The following COL9A3 variants were observed in gnomAD, a reference collection of about 807,000 sequenced individuals.
The protein encoded by COL9A3 is collagen alpha-3(IX) chain.
In COL9A3, 82 loss-of-function variants were observed where a neutral mutation model predicts 110.2. The observed-to-expected ratio is 0.74, with a 90% CI of 0.62 to 0.89. The LOEUF is 0.89. COL9A3 is among the 40% of genes least tolerant of loss of function. The pLI, the probability that COL9A3 is intolerant of heterozygous loss-of-function variation, is 0.00. For synonymous variants in COL9A3, 494 were observed against 403.8 expected (o/e 1.22, Z -2.68); for missense variants, 1,066 against 981.3 (o/e 1.09, Z -1.15).
Position 62,829,795 on chromosome 20 carries a change from T to G in COL9A3, c.1137T>G (p.Gly379=), listed in dbSNP as rs896992548. 1 of 1,583,264 alleles carries G rather than the reference T, an allele frequency of 6.3e-7. No individual in the cohort carries two copies. Among genetic ancestry groups the G allele is most frequent in the African/African-American group, 1.3e-5 (1 of 74,450 alleles). ...ATGCTGGCATGCCTGGGGAGCGCGGTGAGGCTGGCCACCGGGGCTCAGCGG... is the reference window on the plus strand; with the variant it reads ...ATGCTGGCATGCCTGGGGAGCGCGGGGAGGCTGGCCACCGGGGCTCAGCGG... ...PGDAGMPGER[G]EAGHRGSAGA... Residue 379 remains glycine, a synonymous_variant, in exon 22 of 32, where the codon GGT becomes GGG. Transcript: ENST00000649368.
intron 31 of COL9A3, 73 bp from the exon 32 acceptor site, chr20:62,840,469 C>T (rs1173376695): frequency 3.6e-6 from 5 of 1,382,648 alleles, no homozygotes; most frequent in Non-Finnish European, 5.1e-6. Flanking sequence ...AGGGCTTGCC[C>T]ACAGCTGGAT....
chr20:62,830,700 C>G lies in COL9A3; in HGVS notation c.1287+112C>G, dbSNP rs954702470. On this transcript the variant is annotated intron_variant, in intron 24 of 31. Transcript: ENST00000649368. Reference sequence around the variant, plus strand: ...CCCACCACAGTCCCCCAACCCCTACCACAGTCCCCCAACCCCCACCACAGT... The same window carrying G: ...CCCACCACAGTCCCCCAACCCCTACGACAGTCCCCCAACCCCCACCACAGT... The G allele has an allele frequency of 2.8e-4, 102 of 364,324 alleles. 4 individuals carry two copies. The highest frequency in any genetic ancestry group is 1.5e-3 in the Admixed American group (37 of 25,210). The allele number at this position is 364,324 out of a possible 1,614,324, so 22.6% of individuals were successfully genotyped here. A position where few individuals can be genotyped will look rare whatever the true frequency, so the allele number is the denominator to read the frequency against.
At chr20:62,821,557 T>C (rs1430604116) in intron 7 of COL9A3, 27 bp downstream of exon 7, 9 of 1,612,668 alleles carry the variant, frequency 5.6e-6, no homozygotes, top group Non-Finnish European at 7.6e-6. Flanking sequence ...CTTGGGGCCC[T>C]GAGCAAGCAC....
In COL9A3 at chr20:62,829,629, G is replaced by A. The variant is rs1361061840; in HGVS notation, c.1055G>A (p.Gly352Asp). ...CTCACAGCTCTCCTTCCTCTACAGG[G>A]CAGAGCTGGGGAGCTGGGTGAGGCC... ...AGSKGEKGERGRAGELGEAGP... is the reference protein window; with the variant it reads ...AGSKGEKGERDRAGELGEAGP... The change falls in exon 21 of 32, where the codon GGC (glycine) becomes GAC (aspartate). Residue 352 changes from glycine to aspartate, a missense_variant and splice_region_variant. Coordinates refer to ENST00000649368, the MANE Select transcript of COL9A3 (RefSeq NM_001853.4). 2.5e-6 allele frequency: 4 copies of A among 1,609,752 alleles called. No homozygotes were observed. Among genetic ancestry groups the A allele is most frequent in the Admixed American group, 1.7e-5 (1 of 59,430 alleles).
intron 29 of COL9A3, chr20:62,836,792 C>A (rs1187186110): frequency 1.1e-5 from 7 of 621,682 alleles, no homozygotes; most frequent in African/African-American, 1.1e-4. Flanking sequence ...CTGCTGAATG[C>A]AATGGGTACA....
intron 6 of COL9A3, 74 bp downstream of exon 6, chr20:62,821,290 C>G: frequency 2.7e-6 from 4 of 1,503,242 alleles, no homozygotes; most frequent in Non-Finnish European, 3.7e-6. Context: ...AATGGGGTGG[C>G]CTCCAGGAAT....
chr20:62,835,927 A>G lies in COL9A3; in HGVS notation c.1375A>G (p.Ser459Gly). ...ACAACTTTTCTCTTCACAGGGTCCC[A>G]GCGGCCTGGTCGGACCCAAAGGAGA... is the stretch of plus-strand genomic sequence containing the variant. Reference protein sequence around the residue: ...LPGDKGELGPSGLVGPKGESG... With the variant: ...LPGDKGELGPGGLVGPKGESG... The change falls in exon 27 of 32, where the codon AGC (serine) becomes GGC (glycine). Residue 459 changes from serine to glycine, a missense_variant. Ser to Gly is a moderately conservative substitution (Grantham distance 56). Transcript: ENST00000649368. 3 of 1,614,236 alleles carry G rather than the reference A, an allele frequency of 1.9e-6. No homozygotes were observed. Among genetic ancestry groups the G allele is most frequent in the Non-Finnish European group, 2.5e-6 (3 of 1,180,040 alleles).
chr20:62,821,397 C>G (rs2063511883), intron 6 of COL9A3, 110 bp from the exon 7 acceptor site: 5 of 1,474,538 alleles, frequency 3.4e-6, no homozygotes, highest in Admixed American at 1.7e-5. Context: ...ACCAGACACC[C>G]ATCCCTGGAA....
In COL9A3 at chr20:62,840,579, G is replaced by A. The variant is rs762745253; in HGVS notation, c.1902G>A (p.Gln634=). 6.8e-6 allele frequency: 11 copies of A among 1,612,746 alleles called. No homozygotes were observed. The African/African-American group carries it at 9.3e-5, about 14-fold the overall frequency. Residue 634 remains glutamine (Q), a synonymous_variant, in exon 32 of 32, where the codon CAG becomes CAA. Coordinates refer to ENST00000649368, the MANE Select transcript of COL9A3 (RefSeq NM_001853.4). ...QGVPGTSKDG[Q]DGAPGEPGPP... ...TGCCCGGCACCAGCAAGGACGGCCA[G>A]GACGGTGCTCCCGGCGAGCCTGGGC...
At position 62,826,250 on chromosome 20, in the gene COL9A3, G is replaced by A. The variant is rs1323324119; in HGVS notation, c.731G>A (p.Gly244Glu). Residue 244 changes from glycine (G) to glutamate (E), a missense_variant, in exon 14 of 32, where the codon GGG (glycine) becomes GAG (glutamate). Coordinates refer to ENST00000649368, the MANE Select transcript of COL9A3 (RefSeq NM_001853.4). ...CTGCCAGGGCCACTCGGGCCCCCTG[G>A]GGACCGGGTAAGTCCTGCAGCCCCT... ...RGLPGPLGPP[G>E]DRGPIGFRGP... The A allele has an allele frequency of 6.4e-7, 1 of 1,552,260 alleles. No homozygotes were observed. The highest frequency in any genetic ancestry group is 8.7e-7 in the Non-Finnish European group (1 of 1,148,712).
At chr20:62,832,006 C>A in intron 24 of COL9A3, 148 bp from the exon 25 acceptor site, 1 of 826,928 alleles carries the variant, frequency 1.2e-6, no homozygotes, top group Non-Finnish European at 2.1e-6. Context: ...GGCCTTTGGG[C>A]CTGTGTCTGG....
At chr20:62,817,304 C>T (rs2147193328) in intron 1 of COL9A3, 162 bp downstream of exon 1, 2 of 509,980 alleles carry the variant, frequency 3.9e-6, no homozygotes, top group Non-Finnish European at 6.1e-6. Context: ...CGTCCGGCCG[C>T]GTCCTCGATG....
At chr20:62,829,360 CT>C in intron 19 of COL9A3, 94 bp from the exon 20 acceptor site, 14 of 1,530,230 alleles carry the variant, frequency 9.1e-6, no homozygotes, top group Non-Finnish European at 1.3e-5. Flanking sequence ...TGCACTCACT[CT>C]GGCCCCTGCA....
chr20:62,840,065 ACACCATGCCCG>A (rs1392050420), intron 31 of COL9A3, among the ~76,000 whole-genome samples: 6 of 150,952 alleles, frequency 4.0e-5, no homozygotes, highest in African/African-American at 9.7e-5. Flanking sequence ...CACCATGCCC[ACACCATGCCCG>A]CACCATTCTG....
At position 62,828,832 on chromosome 20, in the gene COL9A3, C is replaced by G; in HGVS notation, c.954+15C>G. ...ATGGCCAGAAGGTTGGCATGGGGCT[C>G]AGGGTGTGACGGGAGGGAGGGGGCT... On this transcript the variant is annotated intron_variant, in intron 18 of 31. Transcript: ENST00000649368. 6.2e-7 allele frequency: 1 copy of G among 1,612,880 alleles called. No homozygotes were observed. Among genetic ancestry groups the G allele is most frequent in the Non-Finnish European group, 8.5e-7 (1 of 1,179,986 alleles).
At chr20:62,829,713 C>T (rs1430512212) in intron 21 of COL9A3, 32 bp downstream of exon 21, 1 of 1,600,880 alleles carries the variant, frequency 6.2e-7, no homozygotes, top group Non-Finnish European at 8.5e-7. Context: ...GACCCCTCCC[C>T]ATCCAGCCTG....
intron 1 of COL9A3, 43 bp from the exon 2 acceptor site, chr20:62,817,524 C>T (rs987259678): frequency 1.4e-5 from 20 of 1,404,918 alleles, no homozygotes; most frequent in East Asian, 2.5e-5. Flanking sequence ...GGGTCAGGCC[C>T]ACGGGGGCAC....
chr20:62,819,856 C>T, intron 4 of COL9A3, 73 bp from the exon 5 acceptor site: 1 of 1,556,288 alleles, frequency 6.4e-7, no homozygotes, highest in Non-Finnish European at 8.8e-7. Flanking sequence ...AGGGTCCGTG[C>T]TTCCATTTTT....
Position 62,826,191 on chromosome 20 carries a change from C to T in COL9A3, c.685-13C>T. The T allele has an allele frequency of 1.3e-6, 2 of 1,557,580 alleles. No individual in the cohort carries two copies. Among genetic ancestry groups the T allele is most frequent in the Non-Finnish European group, 1.7e-6 (2 of 1,151,298 alleles). On this transcript the variant is annotated splice_polypyrimidine_tract_variant and intron_variant, in intron 13 of 31. Coordinates refer to ENST00000649368, the MANE Select transcript of COL9A3 (RefSeq NM_001853.4). ...GCAGCCCCAGCCTCTGCATCTGTGC[C>T]TCTCTCTCGCAGGGCCCCCGGGGAT...
Sources: gnomAD v4.1 joint callset for allele counts (sites outside exome capture counted in the v4.1 genomes callset) on GRCh38, gnomAD v4.1.1 for gene constraint, MANE v1.5 for transcripts, NCBI Gene and HGNC (gene_info 2026-07-23, HGNC 2026-07-21) for gene names.